SEPTIN14: variants seen among roughly 807,000 people sequenced by gnomAD.
SEPTIN14 encodes septin 14, also known as septin-14.
In SEPTIN14, 40 loss-of-function variants were observed where a neutral mutation model predicts 53.6. The ratio of observed to expected loss-of-function variants is 0.75; its 90% CI spans 0.58 to 0.97. The LOEUF is 0.97. Ranked by LOEUF, SEPTIN14 falls within the 50% of genes least tolerant of loss-of-function variation. SEPTIN14 has a pLI of 0.00. For synonymous variants in SEPTIN14, 138 were observed against 166.8 expected (o/e 0.83, Z 1.33); for missense variants, 471 against 508.2 (o/e 0.93, Z 0.70).
intron 2 of SEPTIN14, among the ~76,000 whole-genome samples, chr7:55,859,240 C>T (rs1216527292): frequency 6.6e-6 from 1 of 151,294 alleles, no homozygotes; most frequent in Non-Finnish European, 1.5e-5. Context: ...TCAGGTCTTA[C>T]TTTTAGGTCT....
intron 2 of SEPTIN14, among the ~76,000 whole-genome samples, chr7:55,861,087 A>G (rs1789740422): frequency 6.6e-6 from 1 of 152,350 alleles, no homozygotes; most frequent in African/African-American, 2.4e-5. Context: ...TTTTAGAGTC[A>G]TGTGAACAAA....
At chr7:55,861,387 A>G (rs1789746698) in intron 2 of SEPTIN14, among the ~76,000 whole-genome samples, 1 of 152,050 alleles carries the variant, frequency 6.6e-6, no homozygotes, top group Admixed American at 6.6e-5. Context: ...CTGTAATCCC[A>G]GCTACTTGGG....
intron 9 of SEPTIN14, chr7:55,798,702 G>T: frequency 3.9e-6 from 1 of 255,530 alleles, no homozygotes; most frequent in South Asian, 4.2e-5. Flanking sequence ...CAGGACAACT[G>T]GACCGTCAGC....
intron 2 of SEPTIN14, among the ~76,000 whole-genome samples, chr7:55,857,436 G>GA (rs767341597): frequency 7.6e-6 from 1 of 131,288 alleles, no homozygotes; most frequent in Non-Finnish European, 1.6e-5. Context: ...GAAGAGAAGA[G>GA]AGAAAAGGAA....
At chr7:55,798,651 C>T (rs182917343) in intron 9 of SEPTIN14, 156 of 325,886 alleles carry the variant, frequency 4.8e-4, no homozygotes, top group Middle Eastern at 2.3e-3. Flanking sequence ...CTTCAGCAAG[C>T]GGCACCAGGC....
At chr7:55,829,672 G>A (rs1789058899) in intron 6 of SEPTIN14, among the ~76,000 whole-genome samples, 1 of 151,812 alleles carries the variant, frequency 6.6e-6, no homozygotes, top group South Asian at 2.1e-4. Flanking sequence ...ACCCAGAGCA[G>A]CTTGGAGGCA....
chr7:55,824,974 A>G (rs1412041005), intron 6 of SEPTIN14, among the ~76,000 whole-genome samples: 3 of 152,188 alleles, frequency 2.0e-5, no homozygotes, highest in Non-Finnish European at 2.9e-5. Context: ...TTACCATATG[A>G]TCAAGAAGTG....
At chr7:55,826,054 AT>A (rs942992082) in intron 6 of SEPTIN14, among the ~76,000 whole-genome samples, 1 of 151,716 alleles carries the variant, frequency 6.6e-6, no homozygotes, top group Non-Finnish European at 1.5e-5. Context: ...GTGAGCCGAG[AT>A]CGAGCCACTG....
chr7:55,806,759 G>C (rs923379919), intron 8 of SEPTIN14, among the ~76,000 whole-genome samples: 2 of 151,984 alleles, frequency 1.3e-5, no homozygotes, highest in African/African-American at 4.8e-5. Context: ...CACAGCGCCC[G>C]GCCTATCCTT....
intron 7 of SEPTIN14, among the ~76,000 whole-genome samples, chr7:55,817,453 C>A (rs2115988732): frequency 6.7e-6 from 1 of 148,366 alleles, no homozygotes; most frequent in South Asian, 2.1e-4. Flanking sequence ...ATGTTAATAA[C>A]AATATTTTAT....
At chr7:55,839,396 A>C (rs1258003191) in intron 5 of SEPTIN14, among the ~76,000 whole-genome samples, 1 of 151,880 alleles carries the variant, frequency 6.6e-6, no homozygotes, top group Non-Finnish European at 1.5e-5. Flanking sequence ...TCTCAGAAAA[A>C]AAAAAAAAAA....
chr7:55,825,733 G>T (rs191505890), intron 6 of SEPTIN14, among the ~76,000 whole-genome samples: 1 of 152,044 alleles, frequency 6.6e-6, no homozygotes, highest in Non-Finnish European at 1.5e-5. Context: ...TTGGGAGGCC[G>T]AGGCGGTTGG....
chr7:55,808,212 TCAAA>T (rs1788640942), intron 7 of SEPTIN14, among the ~76,000 whole-genome samples: 2 of 152,184 alleles, frequency 1.3e-5, no homozygotes, highest in Admixed American at 6.5e-5. Flanking sequence ...CCCATTTTTC[TCAAA>T]CAAACACAAG....
chr7:55,805,430 G>A lies in SEPTIN14; in HGVS notation c.987-40C>T, dbSNP rs1377513804. On this transcript the variant is annotated intron_variant, in intron 8 of 9. Transcript: ENST00000388975. ...TTTCTTAGTCTTATATTAAAATGAG[G>A]TAGGAGGATCGCTTGAACCCAGGAG... The A allele has an allele frequency of 5.4e-6, 8 of 1,471,874 alleles. No homozygotes were observed. The Admixed American group carries it at 7.1e-5, about 13-fold the overall frequency. 91.2% of individuals were successfully genotyped at this position (1,471,874 alleles called of 1,614,324 possible). A position where few individuals can be genotyped will look rare whatever the true frequency, so the allele number is the denominator to read the frequency against.
intron 9 of SEPTIN14, among the ~76,000 whole-genome samples, chr7:55,801,114 T>C (rs6944683): frequency 0.18 from 27,103 of 151,756 alleles, 3,243 homozygotes; most frequent in East Asian, 0.43. Context: ...AAAAATAGAT[T>C]AAATAATGTA....
intron 7 of SEPTIN14, among the ~76,000 whole-genome samples, chr7:55,813,949 A>G (rs1013798582): frequency 6.6e-6 from 1 of 152,158 alleles, no homozygotes; most frequent in African/African-American, 2.4e-5. Context: ...TGCTGGTTTC[A>G]TATGTGACCC....
intron 9 of SEPTIN14, among the ~76,000 whole-genome samples, chr7:55,804,709 C>G (rs1220263790): frequency 6.6e-6 from 1 of 152,144 alleles, no homozygotes; most frequent in African/African-American, 2.4e-5. Context: ...GCCACCTACA[C>G]TTGAGAGAAA....
At chr7:55,814,679 T>C (rs890559358) in intron 7 of SEPTIN14, among the ~76,000 whole-genome samples, 2 of 152,312 alleles carry the variant, frequency 1.3e-5, no homozygotes, top group African/African-American at 4.8e-5. Flanking sequence ...ACACAGTTCA[T>C]GTTCATGGAT....
chr7:55,860,349 G>A (rs1366655647), intron 2 of SEPTIN14, among the ~76,000 whole-genome samples: 1 of 152,118 alleles, frequency 6.6e-6, no homozygotes, highest in Non-Finnish European at 1.5e-5. Context: ...TAGAGGTAGA[G>A]TAGAATGATA....
Sources: gnomAD v4.1 joint callset for allele counts (sites outside exome capture counted in the v4.1 genomes callset) on GRCh38, gnomAD v4.1.1 for gene constraint, MANE v1.5 for transcripts, NCBI Gene and HGNC (gene_info 2026-07-23, HGNC 2026-07-21) for gene names.